Variants in IDE observed in about 807,000 individuals in gnomAD.
IDE encodes the protein insulin-degrading enzyme.
In IDE, 58 loss-of-function variants were observed where a neutral mutation model predicts 133.2. The observed-to-expected ratio is 0.44, with a 90% CI of 0.35 to 0.54. IDE has a LOEUF of 0.54. IDE is among the 20% of genes least tolerant of loss of function. The probability of loss-of-function intolerance (pLI) is 0.00; values close to 1 mark genes in which losing one functional copy is unlikely to be tolerated. For synonymous variants in IDE, 396 were observed against 421.3 expected, an observed-to-expected ratio of 0.94 and a Z score of 0.73; for missense variants, 981 against 1,234.0, an observed-to-expected ratio of 0.79 and a Z score of 3.07.
At chr10:92,551,860 G>A (rs941590027) in intron 1 of IDE, among the ~76,000 whole-genome samples, 4 of 152,122 alleles carry the variant, frequency 2.6e-5, no homozygotes, top group African/African-American at 9.7e-5. Context: ...AATGGGCCAG[G>A]TGCAGTGGCT....
intron 23 of IDE, 57 bp from the exon 24 acceptor site, chr10:92,455,700 C>CA (rs11459510): frequency 0.29 from 194,152 of 676,066 alleles, 3,239 homozygotes; most frequent in East Asian, 0.36. Context: ...CACAAAAGAA[C>CA]AAAAAAAAAA....
intron 1 of IDE, among the ~76,000 whole-genome samples, chr10:92,538,173 C>T (rs892130029): frequency 1.1e-4 from 17 of 152,136 alleles, no homozygotes; most frequent in African/African-American, 4.1e-4. Context: ...TACGCCCCGA[C>T]CTAGAATAGA....
chr10:92,573,867 G>T (rs1303926978), intron 1 of IDE, 55 bp downstream of exon 1: 2 of 1,241,086 alleles, frequency 1.6e-6, no homozygotes, highest in East Asian at 3.2e-5. Context: ...CAACCCGAGC[G>T]CCAAACCGCT....
chr10:92,493,169 C>G (rs1847467004), intron 11 of IDE, among the ~76,000 whole-genome samples: 1 of 152,040 alleles, frequency 6.6e-6, no homozygotes. Flanking sequence ...GTAGAGAGTT[C>G]ACAGAAATCA....
chr10:92,484,433 C>G (rs995696204), intron 13 of IDE, among the ~76,000 whole-genome samples: 4 of 151,016 alleles, frequency 2.6e-5, no homozygotes, highest in African/African-American at 9.7e-5. Context: ...CAAAACAAAA[C>G]AAAGAAACTG....
chr10:92,483,634 G>A lies in IDE; in HGVS notation c.1657-297C>T, dbSNP rs921478778. Among the ~76,000 whole-genome samples, 8 of 152,130 alleles carry A rather than the reference G, an allele frequency of 5.3e-5. No individual in the cohort carries two copies. In the South Asian group the frequency reaches 6.2e-4, roughly 12 times the overall value. ...AGCCAATACCAACTGTCCTGTCTTCGTCTTTCTGGACACTAGGAGGAAGGC... is the reference window on the plus strand; with the variant it reads ...AGCCAATACCAACTGTCCTGTCTTCATCTTTCTGGACACTAGGAGGAAGGC... On this transcript the variant is annotated intron_variant, in intron 13 of 24. Coordinates refer to ENST00000265986, the MANE Select transcript of IDE (RefSeq NM_004969.4).
intron 12 of IDE, 71 bp downstream of exon 12, chr10:92,490,422 G>T: frequency 1.1e-6 from 1 of 921,652 alleles, no homozygotes; most frequent in Non-Finnish European, 1.8e-6. Context: ...GGCCTTAGTT[G>T]GTGGATCTAG....
intron 1 of IDE, among the ~76,000 whole-genome samples, chr10:92,548,550 CTTGA>C (rs1198347372): frequency 2.6e-5 from 4 of 151,978 alleles, no homozygotes; most frequent in African/African-American, 9.7e-5. Flanking sequence ...TGAATGGTAA[CTTGA>C]TTATTATAAA....
Position 92,530,989 on chromosome 10 carries a change from C to A in IDE, c.661+759G>T, listed in dbSNP as rs533068731. ...CTAAGTACATTAAATAATATATTAT[C>A]ATTATTCTTATGTACTTTTATAATA... On this transcript the variant is annotated intron_variant, in intron 4 of 24. Coordinates refer to ENST00000265986, the MANE Select transcript of IDE (RefSeq NM_004969.4). Among the ~76,000 whole-genome samples, 77 of 152,138 alleles carry A rather than the reference C, an allele frequency of 5.1e-4. 2 individuals carry two copies. In the South Asian group the frequency reaches 0.016, roughly 32 times the overall value.
At chr10:92,519,704 C>T (rs1849117378) in intron 4 of IDE, among the ~76,000 whole-genome samples, 1 of 152,222 alleles carries the variant, frequency 6.6e-6, no homozygotes, top group African/African-American at 2.4e-5. Context: ...CATTTCCTAG[C>T]TGTGAGACAC....
intron 11 of IDE, 124 bp from the exon 12 acceptor site, chr10:92,490,719 C>A: frequency 1.5e-6 from 1 of 649,642 alleles, no homozygotes; most frequent in Non-Finnish European, 2.7e-6. Context: ...TAAGACCCAG[C>A]AAATCCTGTA....
chr10:92,536,394 A>AC (rs1231167067), intron 2 of IDE, among the ~76,000 whole-genome samples: 2 of 150,476 alleles, frequency 1.3e-5, no homozygotes, highest in Non-Finnish European at 3.0e-5. Context: ...AAAAAAAAAA[A>AC]AAAAAAAGAA....
chr10:92,499,281 T>C (rs967066008), intron 11 of IDE, among the ~76,000 whole-genome samples: 16 of 151,998 alleles, frequency 1.1e-4, no homozygotes, highest in Non-Finnish European at 5.9e-5. Context: ...GCCCCCAGGT[T>C]CAAGCGATTC....
chr10:92,534,866 A>G (rs1196250371), intron 2 of IDE, 81 bp from the exon 3 acceptor site: 1 of 973,348 alleles, frequency 1.0e-6, no homozygotes, highest in East Asian at 2.4e-5. Flanking sequence ...AGTTCTTGTT[A>G]GCATGACAAC....
chr10:92,463,923 G>T lies in IDE; in HGVS notation c.2569C>A (p.His857Asn), dbSNP rs766038121. Residue 857 changes from histidine to asparagine, a missense_variant, in exon 21 of 25, where the codon CAC becomes AAC. His to Asn is a moderately conservative substitution (Grantham distance 68). This residue lies in a region of IDE where 660 missense variants were observed against 894.7 expected (regional missense o/e 0.74). Transcript: ENST00000265986. ...RFIIQSEKPP[H>N]YLESRVEAFL... ...GCTTCCACTCTGCTTTCTAGGTAGT[G>T]AGGTGGCTTTTCTGACTGGATGATG... The T allele has an allele frequency of 3.7e-6, 6 of 1,614,140 alleles. No homozygotes were observed. The highest frequency in any genetic ancestry group is 3.4e-6 in the Non-Finnish European group (4 of 1,179,994).
intron 13 of IDE, among the ~76,000 whole-genome samples, chr10:92,483,587 G>A (rs1340935732): frequency 1.3e-5 from 2 of 152,194 alleles, no homozygotes; most frequent in Non-Finnish European, 2.9e-5. Flanking sequence ...GGGGTACAGT[G>A]AAGGAAGAGA....
chr10:92,452,378 A>C lies in IDE; in HGVS notation c.*2066T>G, dbSNP rs1026253143. ...CTTAAGAAGCCTCAGGTAACTAATA[A>C]CTTAGTTCCACAAATCTCATTTACT... is the stretch of plus-strand genomic sequence containing the variant. On this transcript the variant is annotated 3_prime_UTR_variant, in exon 25 of 25. Transcript: ENST00000265986. The C allele has an allele frequency of 1.3e-5, 2 of 152,188 alleles. No individual in the cohort carries two copies. Among genetic ancestry groups the C allele is most frequent in the African/African-American group, 4.8e-5 (2 of 41,450 alleles). 9.4% of individuals were successfully genotyped at this position (152,188 alleles called of 1,614,324 possible).
At chr10:92,515,774 G>A (rs1373062598) in intron 4 of IDE, among the ~76,000 whole-genome samples, 8 of 148,726 alleles carry the variant, frequency 5.4e-5, no homozygotes, top group Non-Finnish European at 1.0e-4. Context: ...TGGTCAGGCT[G>A]GTCTTGAACT....
chr10:92,559,115 A>G (rs1014163991), intron 1 of IDE: 13 of 152,214 alleles, frequency 8.5e-5, no homozygotes, highest in Admixed American at 5.9e-4. Context: ...AAAAGTACAT[A>G]TAGCAAGTGT....
Sources: allele counts gnomAD v4.1 joint callset (sites outside exome capture counted in the v4.1 genomes callset), GRCh38; gene constraint gnomAD v4.1.1; regional missense constraint gnomAD v4.1.1; transcripts MANE v1.5; gene names NCBI Gene and HGNC (gene_info 2026-07-23, HGNC 2026-07-21).